The following ATP9B variants were observed in gnomAD, a reference collection of about 807,000 sequenced individuals.
ATP9B encodes probable phospholipid-transporting ATPase IIB.
ATP9B carries 110 observed loss-of-function variants against 146.1 expected under a neutral mutation model. That is an observed-to-expected ratio of 0.75 (90% CI 0.65 to 0.88). The LOEUF (loss-of-function observed/expected upper bound fraction) is 0.88. Ranked by LOEUF, ATP9B falls within the 40% of genes least tolerant of loss-of-function variation. ATP9B has a pLI of 0.00. For missense variants in ATP9B, 1,499 were observed against 1,496.4 expected (o/e 1.00, Z -0.03); for synonymous variants, 604 against 569.7 (o/e 1.06, Z -0.86).
At chr18:79,187,476 A>G (rs1372353865) in intron 8 of ATP9B, among the ~76,000 whole-genome samples, 2 of 152,232 alleles carry the variant, frequency 1.3e-5, no homozygotes, top group Middle Eastern at 3.2e-3. Flanking sequence ...GGTCCTAACC[A>G]GCTGCAAAGA....
intron 25 of ATP9B, among the ~76,000 whole-genome samples, chr18:79,355,190 C>T (rs1172079086): frequency 6.6e-6 from 1 of 152,230 alleles, no homozygotes; most frequent in Non-Finnish European, 1.5e-5. Context: ...CAGCACCCTT[C>T]AGAAAATTCA....
chr18:79,154,161 C>G (rs1010087201), intron 6 of ATP9B, among the ~76,000 whole-genome samples: 13 of 151,516 alleles, frequency 8.6e-5, no homozygotes, highest in African/African-American at 3.2e-4. Context: ...CAAGGTTTCA[C>G]CATGTCAGCC....
chr18:79,094,637 C>T lies in ATP9B; in HGVS notation c.120-1839C>T, dbSNP rs530677539. Among the ~76,000 whole-genome samples the T allele has an allele frequency of 6.6e-5, 10 of 152,302 alleles. No individual in the cohort carries two copies. In the South Asian group the frequency reaches 1.9e-3, roughly 28 times the overall value. ...AAAACGTTCTGCTTTGCAAGAGCCCCCTTTGCTGGGGCTGTGGCTAGAAAG... is the reference window on the plus strand; with the variant it reads ...AAAACGTTCTGCTTTGCAAGAGCCCTCTTTGCTGGGGCTGTGGCTAGAAAG... On this transcript the variant is annotated intron_variant, in intron 1 of 29. Coordinates refer to ENST00000426216, the MANE Select transcript of ATP9B (RefSeq NM_198531.5).
intron 5 of ATP9B, among the ~76,000 whole-genome samples, chr18:79,132,949 TTTGAG>T (rs1211858274): frequency 1.3e-5 from 2 of 152,250 alleles, no homozygotes; most frequent in African/African-American, 4.8e-5. Flanking sequence ...CTGAAATTAT[TTTGAG>T]TTATCTTGTG....
chr18:79,159,124 C>G (rs934606271), intron 7 of ATP9B, among the ~76,000 whole-genome samples: 3 of 152,106 alleles, frequency 2.0e-5, no homozygotes, highest in African/African-American at 7.2e-5. Flanking sequence ...TACTTTCTAC[C>G]TATTTGTGTC....
chr18:79,290,577 A>C (rs1389165324), intron 13 of ATP9B, among the ~76,000 whole-genome samples: 1 of 152,228 alleles, frequency 6.6e-6, no homozygotes, highest in Non-Finnish European at 1.5e-5. Context: ...CGAGTGAGGC[A>C]ATGCCTCGCC....
chr18:79,334,223 G>A (rs942624751), intron 17 of ATP9B, among the ~76,000 whole-genome samples: 1 of 152,090 alleles, frequency 6.6e-6, no homozygotes. Flanking sequence ...ACAGGGTGGT[G>A]GCAGGCGCCT....
chr18:79,366,585 T>C (rs2097030734), intron 26 of ATP9B, among the ~76,000 whole-genome samples: 1 of 152,166 alleles, frequency 6.6e-6, no homozygotes, highest in African/African-American at 2.4e-5. Flanking sequence ...AGTTTGGGCT[T>C]GTGGTTTCTG....
At chr18:79,271,002 A>G (rs1032715798) in intron 12 of ATP9B, among the ~76,000 whole-genome samples, 61 of 152,278 alleles carry the variant, frequency 4.0e-4, no homozygotes, top group African/African-American at 1.4e-3. Context: ...TGCACTGAAG[A>G]CCAGCCCCTG....
At position 79,215,441 on chromosome 18, in the gene ATP9B, G is replaced by A. The variant is rs189827840; in HGVS notation, c.1107+1403G>A. On this transcript the variant is annotated intron_variant, in intron 11 of 29. Coordinates refer to ENST00000426216, the MANE Select transcript of ATP9B (RefSeq NM_198531.5). ...GTGTTACATGTTTGCTAAAGTCAAA[G>A]AAGAATGCTGCGTTACTATTGAGTA... 1.1e-3 allele frequency among the ~76,000 whole-genome samples: 168 copies of A among 152,262 alleles called. 1 individual carries two copies. The highest frequency in any genetic ancestry group is 3.4e-3 in the Middle Eastern group (1 of 292).
At chr18:79,372,280 TCGCAGAGTG>T (rs2097076406) in intron 26 of ATP9B, 1 of 157,104 alleles carries the variant, frequency 6.4e-6, no homozygotes, top group South Asian at 1.5e-4. Context: ...GCCTTCAACT[TCGCAGAGTG>T]AAGGGCCTGG....
Position 79,330,084 on chromosome 18 carries a change from A to G in ATP9B, c.2008A>G (p.Asn670Asp). The G allele has an allele frequency of 6.2e-7, 1 of 1,614,112 alleles. No homozygotes were observed. Among genetic ancestry groups the G allele is most frequent in the Non-Finnish European group, 8.5e-7 (1 of 1,179,942 alleles). Residue 670 changes from asparagine to aspartate, a missense_variant, in exon 17 of 30, where the codon AAT (asparagine) becomes GAT (aspartate). Transcript: ENST00000426216. ...GGCCATGTCTCCTATCGTGCAGTATAATGACTGGCTGGAAGAGGAGGTATG... is the reference window on the plus strand; with the variant it reads ...GGCCATGTCTCCTATCGTGCAGTATGATGACTGGCTGGAAGAGGAGGTATG... Reference protein sequence around the residue: ...DVAMSPIVQYNDWLEEECGNM... With the variant: ...DVAMSPIVQYDDWLEEECGNM...
intron 10 of ATP9B, among the ~76,000 whole-genome samples, chr18:79,211,560 G>A (rs888809166): frequency 3.3e-5 from 5 of 152,198 alleles, no homozygotes; most frequent in African/African-American, 1.2e-4. Context: ...TGGACCCAAA[G>A]CATCTGAATA....
At chr18:79,166,410 A>G (rs1414146420) in intron 7 of ATP9B, among the ~76,000 whole-genome samples, 5 of 152,160 alleles carry the variant, frequency 3.3e-5, no homozygotes, top group African/African-American at 9.6e-5. Flanking sequence ...CACTGACCCA[A>G]GGGGCTTACC....
Position 79,345,418 on chromosome 18 carries a change from T to C in ATP9B, c.2473-10T>C. 2 of 1,612,636 alleles carry C rather than the reference T, an allele frequency of 1.2e-6. No homozygotes were observed. The highest frequency in any genetic ancestry group is 1.7e-6 in the Non-Finnish European group (2 of 1,178,968). The stretch of plus-strand genomic sequence containing the variant: ...CCATAAGGCAAAATAACACAGGCTT[T>C]GTTTTCCAGGTTTGTCTAAAGTACT... On this transcript the variant is annotated splice_polypyrimidine_tract_variant and intron_variant, in intron 21 of 29. Transcript: ENST00000426216.
chr18:79,350,555 A>G (rs2096917155), intron 25 of ATP9B, among the ~76,000 whole-genome samples: 1 of 152,218 alleles, frequency 6.6e-6, no homozygotes, highest in African/African-American at 2.4e-5. Flanking sequence ...ACGTGACCAA[A>G]GAATGTCCCA....
chr18:79,230,009 A>G (rs898681124), intron 11 of ATP9B, among the ~76,000 whole-genome samples: 1 of 151,996 alleles, frequency 6.6e-6, no homozygotes. Flanking sequence ...ATCTGAATCT[A>G]CTTTTTATAA....
intron 6 of ATP9B, among the ~76,000 whole-genome samples, chr18:79,150,364 G>GT (rs1041409687): frequency 6.6e-6 from 1 of 151,768 alleles, no homozygotes; most frequent in Non-Finnish European, 1.5e-5. Context: ...ACTCCTGGAC[G>GT]TTTATCACAG....
chr18:79,295,490 T>C (rs1043205366), intron 13 of ATP9B, among the ~76,000 whole-genome samples: 1 of 152,278 alleles, frequency 6.6e-6, no homozygotes, highest in East Asian at 1.9e-4. Context: ...GAGGGCAGAA[T>C]GTACATGGTG....
Sources: gnomAD v4.1 joint callset for allele counts (sites outside exome capture counted in the v4.1 genomes callset) on GRCh38, gnomAD v4.1.1 for gene constraint, MANE v1.5 for transcripts, NCBI Gene and HGNC (gene_info 2026-07-23, HGNC 2026-07-21) for gene names.